The following LMO7 variants were observed in gnomAD, a reference collection of about 807,000 sequenced individuals.
LMO7 encodes the protein LIM domain 7, also known as LIM domain only protein 7.
In LMO7, 120 loss-of-function variants were observed where a neutral mutation model predicts 206.5. The observed-to-expected ratio is 0.58, with a 90% CI of 0.50 to 0.68. The LOEUF (loss-of-function observed/expected upper bound fraction) is 0.68, where lower values mean the gene tolerates loss of function less well. Ranked by LOEUF, LMO7 falls within the 30% of genes least tolerant of loss-of-function variation. The pLI is 0.00. For missense variants in LMO7, 1,959 were observed against 1,957.9 expected (o/e 1.00, Z -0.01); for synonymous variants, 706 against 681.5 (o/e 1.04, Z -0.56).
At chr13:75,829,023 CAA>C (rs1161346437) in intron 15 of LMO7, among the ~76,000 whole-genome samples, 3 of 152,082 alleles carry the variant, frequency 2.0e-5, no homozygotes, top group Non-Finnish European at 2.9e-5. Flanking sequence ...ATATGAAAAA[CAA>C]GAGGTGGAAG....
chr13:75,761,377 G>T (rs1382335221), intron 4 of LMO7, among the ~76,000 whole-genome samples: 4 of 152,120 alleles, frequency 2.6e-5, no homozygotes, highest in Non-Finnish European at 5.9e-5. Context: ...ATTATAGCTT[G>T]CAGAGTAACA....
At chr13:75,668,987 C>G (rs931318751) in intron 1 of LMO7, among the ~76,000 whole-genome samples, 1 of 152,120 alleles carries the variant, frequency 6.6e-6, no homozygotes, top group East Asian at 1.9e-4. Context: ...TGCCTGAGAT[C>G]ATGAGAGTAG....
intron 1 of LMO7, among the ~76,000 whole-genome samples, chr13:75,641,890 C>A (rs1030707438): frequency 6.6e-6 from 1 of 151,898 alleles, no homozygotes; most frequent in Non-Finnish European, 1.5e-5. Flanking sequence ...AAACTCCTGG[C>A]CTCAAGTGAT....
Position 75,841,183 on chromosome 13 carries a change from T to C in LMO7, c.3657T>C (p.Asn1219=). The change falls in exon 23 of 31, where the codon AAT becomes AAC. Residue 1219 remains asparagine, a synonymous_variant. Transcript: ENST00000377534. ...CCAAACAGGAGGCAGAGAGAGAGAA[T>C]TCCAAGTACTTGGATGAGGTAGTGT... ...QRAKQEAERE[N]SKYLDEELMV... 1.2e-6 allele frequency: 2 copies of C among 1,610,028 alleles called. No individual in the cohort carries two copies. The highest frequency in any genetic ancestry group is 8.5e-7 in the Non-Finnish European group (1 of 1,176,450).
chr13:75,855,801 A>T (rs910027503), intron 29 of LMO7, among the ~76,000 whole-genome samples: 2 of 152,246 alleles, frequency 1.3e-5, no homozygotes, highest in Non-Finnish European at 2.9e-5. Context: ...ATAATTGCAC[A>T]GCCTGTTTAT....
intron 11 of LMO7, among the ~76,000 whole-genome samples, chr13:75,815,421 G>T (rs1334480272): frequency 6.6e-6 from 1 of 152,180 alleles, no homozygotes; most frequent in Non-Finnish European, 1.5e-5. Context: ...CAAGATGTGT[G>T]ACCCAATGTT....
At chr13:75,687,173 T>G (rs1374840403) in intron 1 of LMO7, among the ~76,000 whole-genome samples, 1 of 152,202 alleles carries the variant, frequency 6.6e-6, no homozygotes, top group African/African-American at 2.4e-5. Flanking sequence ...TGTGACTGTT[T>G]CCAGGATTTG....
chr13:75,851,254 A>T (rs1179399013), intron 27 of LMO7, among the ~76,000 whole-genome samples: 1 of 152,262 alleles, frequency 6.6e-6, no homozygotes, highest in Admixed American at 6.5e-5. Flanking sequence ...GATAATACAT[A>T]TTAAATGGAA....
intron 3 of LMO7, among the ~76,000 whole-genome samples, chr13:75,750,101 C>T (rs756211083): frequency 7.3e-5 from 11 of 151,606 alleles, no homozygotes; most frequent in Non-Finnish European, 1.2e-4. Context: ...CACACAACTG[C>T]TTTCTTAATA....
intron 1 of LMO7, among the ~76,000 whole-genome samples, chr13:75,670,502 C>A (rs1480506682): frequency 6.6e-6 from 1 of 152,142 alleles, no homozygotes; most frequent in Non-Finnish European, 1.5e-5. Context: ...GGCTACAAAC[C>A]TGTGCTGCAT....
chr13:75,754,820 C>G (rs1305233932), intron 3 of LMO7, among the ~76,000 whole-genome samples: 1 of 152,136 alleles, frequency 6.6e-6, no homozygotes, highest in Non-Finnish European at 1.5e-5. Context: ...TTAACAAAGT[C>G]CTGTCTTACC....
intron 4 of LMO7, among the ~76,000 whole-genome samples, chr13:75,778,497 G>T (rs1443683397): frequency 1.3e-5 from 2 of 152,244 alleles, no homozygotes; most frequent in African/African-American, 4.8e-5. Flanking sequence ...CTCCCAAAAT[G>T]CTGGGATTAC....
rs2055172930 is a variant in LMO7 at position 75,804,420 on chromosome 13, A to G, written c.793A>G (p.Lys265Glu). 6.2e-7 allele frequency: 1 copy of G among 1,614,234 alleles called. No individual in the cohort carries two copies. The highest frequency in any genetic ancestry group is 8.5e-7 in the Non-Finnish European group (1 of 1,180,020). Reference sequence around the variant, plus strand: ...ACCCTTCAATCGTTTTTTACCCAACAAAAGTAGACAGCCATCCTATGTACC... The same window carrying G: ...ACCCTTCAATCGTTTTTTACCCAACGAAAGTAGACAGCCATCCTATGTACC... ...ALPFNRFLPN[K>E]SRQPSYVPAP... The change falls in exon 8 of 31, where the codon AAA becomes GAA. Residue 265 changes from lysine (K) to glutamate (E), a missense_variant. Lys to Glu is a moderately conservative substitution (Grantham distance 56, BLOSUM62 1). Coordinates refer to ENST00000377534, the MANE Select transcript of LMO7 (RefSeq NM_001306080.2).
intron 3 of LMO7, among the ~76,000 whole-genome samples, chr13:75,732,429 C>T (rs974953321): frequency 2.0e-5 from 3 of 152,222 alleles, no homozygotes; most frequent in African/African-American, 7.2e-5. Context: ...GCTCCTGAGG[C>T]TTCTGCGTTC....
At chr13:75,855,420 G>T (rs373770430) in intron 29 of LMO7, 52 bp downstream of exon 29, 3 of 1,226,248 alleles carry the variant, frequency 2.4e-6, no homozygotes, top group Admixed American at 1.8e-5. Flanking sequence ...CTTGGAGAGC[G>T]CATGGCTGCT....
intron 3 of LMO7, among the ~76,000 whole-genome samples, chr13:75,752,504 G>A (rs1011090610): frequency 1.3e-5 from 2 of 152,060 alleles, no homozygotes; most frequent in African/African-American, 4.8e-5. Flanking sequence ...ATTACACTGT[G>A]GTGAAGTAGG....
Position 75,626,595 on chromosome 13 carries a change from A to ATTTTTTTTTTTT in LMO7, c.225+3282_225+3283insTTTTTTTTTTTT, listed in dbSNP as rs1240937141. ...ATATATATTATATATATATATATAA[A>ATTTTTTTTTTTT]TTTTTTTGAGACAGGGTCTCACTCT... is the stretch of plus-strand genomic sequence containing the variant. On this transcript the variant is annotated intron_variant, in intron 2 of 29. Transcript: ENST00000341547. Among the ~76,000 whole-genome samples, 169 of 71,164 alleles carry ATTTTTTTTTTTT rather than the reference A, an allele frequency of 2.4e-3. 19 individuals are homozygous for ATTTTTTTTTTTT. Among genetic ancestry groups the ATTTTTTTTTTTT allele is most frequent in the Non-Finnish European group, 4.5e-3 (124 of 27,592 alleles). 46.7% of individuals were successfully genotyped at this position (71,164 alleles called of 152,430 possible).
chr13:75,728,246 T>G (rs1370085574), intron 3 of LMO7, among the ~76,000 whole-genome samples: 2 of 152,214 alleles, frequency 1.3e-5, no homozygotes, highest in Non-Finnish European at 2.9e-5. Flanking sequence ...ACCAACAGTG[T>G]AAAAGTGTTC....
intron 1 of LMO7, among the ~76,000 whole-genome samples, chr13:75,711,194 G>T (rs1247919625): frequency 6.6e-6 from 1 of 152,114 alleles, no homozygotes; most frequent in Non-Finnish European, 1.5e-5. Context: ...TGCTGGATTC[G>T]GTTTGCCAGT....
Sources: allele counts gnomAD v4.1 joint callset (sites outside exome capture counted in the v4.1 genomes callset), GRCh38; gene constraint gnomAD v4.1.1; transcripts MANE v1.5; gene names NCBI Gene and HGNC (gene_info 2026-07-23, HGNC 2026-07-21).